Variants in MALSU1 observed in about 807,000 individuals in gnomAD.
MALSU1 encodes mitochondrial assembly of ribosomal large subunit protein 1.
A neutral mutation model predicts 22.1 loss-of-function variants in MALSU1; 22 were observed. The observed-to-expected ratio is 1.00, with a 90% CI of 0.71 to 1.42. The LOEUF (loss-of-function observed/expected upper bound fraction) is 1.42, where lower values mean the gene tolerates loss of function less well. MALSU1 is among the 40% of genes most tolerant of loss of function. The pLI is 0.00. For missense variants in MALSU1, 379 were observed against 308.3 expected (o/e 1.23, Z -1.72); for synonymous variants, 153 against 118.5 (o/e 1.29, Z -1.89).
rs999602193 is a variant in MALSU1, at chr7:23,306,916, TC to T, written c.436-951del. Among the ~76,000 whole-genome samples, 26 of 152,306 alleles carry T rather than the reference TC, an allele frequency of 1.7e-4. 1 individual carries two copies. Among genetic ancestry groups the T allele is most frequent in the African/African-American group, 5.5e-4 (23 of 41,558 alleles). On this transcript the variant is annotated intron_variant, in intron 2 of 3. Transcript: ENST00000466681. The stretch of plus-strand genomic sequence containing the variant: ...GAATGAGTTAGGAAGTGTTCCCTGT[TC>T]TTCAATTTTTTGGGGAGAATTTGAG...
chr7:23,305,474 C>G (rs1583860364), intron 2 of MALSU1, among the ~76,000 whole-genome samples: 1 of 150,654 alleles, frequency 6.6e-6, no homozygotes. Context: ...CTCACAGATT[C>G]AAGCAATTCT....
rs1312901094 is a variant in MALSU1, at chr7:23,307,866, A to C, written c.436-2A>C. ...TTTAATAAACCACCTGGCTTTTTGC[A>C]GTACAAACACCTGAAATGTAAACGT... On this transcript the variant is annotated splice_acceptor_variant, in intron 2 of 3. Coordinates refer to ENST00000466681, the MANE Select transcript of MALSU1 (RefSeq NM_138446.2). LOFTEE classifies it high-confidence loss of function. 1.2e-6 allele frequency: 2 copies of C among 1,610,898 alleles called. No homozygotes were observed. The highest frequency in any genetic ancestry group is 1.7e-6 in the Non-Finnish European group (2 of 1,177,834).
intron 3 of MALSU1, among the ~76,000 whole-genome samples, chr7:23,308,570 T>TAGAG (rs1202156888): frequency 6.6e-6 from 1 of 152,146 alleles, no homozygotes; most frequent in Non-Finnish European, 1.5e-5. Context: ...ATTAGAGGGT[T>TAGAG]AGAGACAAAG....
At position 23,309,478 on chromosome 7, in the gene MALSU1, GACTTCATTCTTGGAATAGAAGATGAT is replaced by G. The variant is rs1381843032; in HGVS notation, c.648_673del (p.Leu217CysfsTer9). 9 of 1,613,188 alleles carry G rather than the reference GACTTCATTCTTGGAATAGAAGATGAT, an allele frequency of 5.6e-6. No homozygotes were observed. Among genetic ancestry groups the G allele is most frequent in the Non-Finnish European group, 7.6e-6 (9 of 1,179,700 alleles). Reference sequence around the variant, plus strand: ...GATAGCACCTGAGACAGTACCTGAAGACTTCATTCTTGGAATAGAAGATGATACTTCATCTGTGACTCCAGTGGAGT... The same window carrying G: ...GATAGCACCTGAGACAGTACCTGAAGACTTCATCTGTGACTCCAGTGGAGT... On this transcript the variant is annotated frameshift_variant, in exon 4 of 4. Transcript: ENST00000466681. LOFTEE classifies it high-confidence loss of function.
Position 23,302,483 on chromosome 7 carries a change from A to G in MALSU1, c.435+1466A>G, listed in dbSNP as rs570445338. Reference sequence around the variant, plus strand: ...CCCTGGTACATGACAGAGCAGAAGAAGATGCCAAAAACAGGGTAATTGGAG... The same window carrying G: ...CCCTGGTACATGACAGAGCAGAAGAGGATGCCAAAAACAGGGTAATTGGAG... On this transcript the variant is annotated intron_variant, in intron 2 of 3. Transcript: ENST00000466681. 1.5e-4 allele frequency among the ~76,000 whole-genome samples: 23 copies of G among 152,342 alleles called. No homozygotes were observed. The South Asian group carries it at 4.6e-3, about 30-fold the overall frequency.
rs1783808410 is a variant in MALSU1 at position 23,310,903 on chromosome 7, C to T, written c.*1360C>T. On this transcript the variant is annotated 3_prime_UTR_variant, in exon 4 of 4. Transcript: ENST00000466681. Reference sequence around the variant, plus strand: ...CAGAGAGCAGCGTGGCCTTGGAGACCACCCACACCCAACACAATTGTACGT... The same window carrying T: ...CAGAGAGCAGCGTGGCCTTGGAGACTACCCACACCCAACACAATTGTACGT... 1 of 152,016 alleles carries T rather than the reference C, an allele frequency of 6.6e-6. No individual in the cohort carries two copies. The highest frequency in any genetic ancestry group is 2.1e-4 in the South Asian group (1 of 4,814). The allele number at this position is 152,016 out of a possible 1,614,324, so 9.4% of individuals were successfully genotyped here.
Position 23,309,552 on chromosome 7 carries a change from A to G in MALSU1, c.*9A>G. The G allele has an allele frequency of 6.3e-7, 1 of 1,585,592 alleles. No homozygotes were observed. The highest frequency in any genetic ancestry group is 8.6e-7 in the Non-Finnish European group (1 of 1,168,960). ...AGTTAAAATGTGAATAAAATATTTTATGCACTGCGTTAGTCATTTCAGATT... is the reference window on the plus strand; with the variant it reads ...AGTTAAAATGTGAATAAAATATTTTGTGCACTGCGTTAGTCATTTCAGATT... On this transcript the variant is annotated 3_prime_UTR_variant, in exon 4 of 4. Coordinates refer to ENST00000466681, the MANE Select transcript of MALSU1 (RefSeq NM_138446.2).
At chr7:23,302,142 C>T (rs1309745351) in intron 2 of MALSU1, among the ~76,000 whole-genome samples, 1 of 152,146 alleles carries the variant, frequency 6.6e-6, no homozygotes, top group Non-Finnish European at 1.5e-5. Flanking sequence ...AAGATTTGAG[C>T]ATGTCCAGTG....
chr7:23,307,787 CAAACA>C, intron 2 of MALSU1, 76 bp from the exon 3 acceptor site: 17 of 848,454 alleles, frequency 2.0e-5, no homozygotes, highest in African/African-American at 4.5e-5. Context: ...AACAAACAAA[CAAACA>C]AAAAAAAAAG....
Position 23,310,951 on chromosome 7 carries a change from T to G in MALSU1, c.*1408T>G, listed in dbSNP as rs1783810343. The G allele has an allele frequency of 6.6e-6, 1 of 152,084 alleles. No individual in the cohort carries two copies. Among genetic ancestry groups the G allele is most frequent in the East Asian group, 1.9e-4 (1 of 5,184 alleles). The allele number at this position is 152,084 out of a possible 1,614,324, so 9.4% of individuals were successfully genotyped here. ...CGTACTGGGCTTTGCTGTCAAGGAG[T>G]GAGCAAATGAGTTCGTTATCAAAGG... On this transcript the variant is annotated 3_prime_UTR_variant, in exon 4 of 4. Coordinates refer to ENST00000466681, the MANE Select transcript of MALSU1 (RefSeq NM_138446.2).
rs373949821 is a variant in MALSU1 at position 23,307,896 on chromosome 7, C to T, written c.464C>T (p.Pro155Leu). The change falls in exon 3 of 4, where the codon CCT becomes CTT. Residue 155 changes from proline to leucine, a missense_variant. Physicochemically the swap from Pro to Leu is moderately conservative, Grantham distance 98. Transcript: ENST00000466681. ...AAACACCTGAAATGTAAACGTGACC[C>T]TCATGTTAAGATAGAAGGGAAGGAC... is the stretch of plus-strand genomic sequence containing the variant. Reference protein sequence around the residue: ...MYKHLKCKRDPHVKIEGKDTD... With the variant: ...MYKHLKCKRDLHVKIEGKDTD... 27 of 1,613,818 alleles carry T rather than the reference C, an allele frequency of 1.7e-5. No homozygotes were observed. The highest frequency in any genetic ancestry group is 2.3e-5 in the Non-Finnish European group (27 of 1,179,888).
At chr7:23,308,097 T>A in intron 3 of MALSU1, 148 bp downstream of exon 3, 2 of 675,098 alleles carry the variant, frequency 3.0e-6, no homozygotes, top group Non-Finnish European at 5.2e-6. Flanking sequence ...AAAGTTTTTT[T>A]AGTTATAATC....
intron 3 of MALSU1, 120 bp downstream of exon 3, chr7:23,308,069 AGT>A: frequency 1.2e-6 from 1 of 858,780 alleles, no homozygotes; most frequent in Middle Eastern, 2.3e-4. Flanking sequence ...AGATTTTTGA[AGT>A]GTGTTTAAGG....
chr7:23,301,094 T>G (rs1237560253), intron 2 of MALSU1, 77 bp downstream of exon 2: 6 of 1,341,728 alleles, frequency 4.5e-6, no homozygotes, highest in Non-Finnish European at 6.2e-6. Context: ...GGAGCAACAC[T>G]TAGAGGGTAA....
At chr7:23,304,600 A>C (rs555827916) in intron 2 of MALSU1, among the ~76,000 whole-genome samples, 2 of 152,320 alleles carry the variant, frequency 1.3e-5, no homozygotes, top group South Asian at 4.1e-4. Context: ...TCTGGGCTCG[A>C]GTGATCCTCT....
intron 3 of MALSU1, among the ~76,000 whole-genome samples, chr7:23,308,204 A>T (rs1783748809): frequency 6.6e-6 from 1 of 152,182 alleles, no homozygotes; most frequent in African/African-American, 2.4e-5. Flanking sequence ...CATGGTGTGT[A>T]TCTACTAGCC....
chr7:23,307,974 A>G (rs747985293), intron 3 of MALSU1, 25 bp downstream of exon 3: 9 of 1,526,854 alleles, frequency 5.9e-6, no homozygotes, highest in South Asian at 2.2e-5. Flanking sequence ...CGTATTTTAC[A>G]GGTAACTGTT....
At chr7:23,307,621 GTGAA>G (rs1304090998) in intron 2 of MALSU1, 1 of 384,888 alleles carries the variant, frequency 2.6e-6, no homozygotes, top group Non-Finnish European at 4.6e-6. Context: ...AGGCACCTTG[GTGAA>G]TGAATGGGGT....
At chr7:23,308,972 TTC>T (rs1783763724) in intron 3 of MALSU1, among the ~76,000 whole-genome samples, 1 of 152,208 alleles carries the variant, frequency 6.6e-6, no homozygotes, top group Non-Finnish European at 1.5e-5. Flanking sequence ...GGCAGTATCT[TTC>T]TGTTAAGAAT....
Sources: gnomAD v4.1 joint callset for allele counts (sites outside exome capture counted in the v4.1 genomes callset) on GRCh38, gnomAD v4.1.1 for gene constraint, MANE v1.5 for transcripts, NCBI Gene and HGNC (gene_info 2026-07-23, HGNC 2026-07-21) for gene names.